Variants in ZNF638 observed in about 807,000 individuals in gnomAD.
ZNF638 encodes zinc finger protein 638.
A neutral mutation model predicts 195.6 loss-of-function variants in ZNF638; 46 were observed. The observed-to-expected ratio is 0.24, with a 90% confidence interval of 0.19 to 0.30. The LOEUF (loss-of-function observed/expected upper bound fraction) is 0.30, where lower values mean the gene tolerates loss of function less well. ZNF638 is among the 10% of genes least tolerant of loss of function. ZNF638 has a pLI of 1.00. For synonymous variants in ZNF638, 845 were observed against 772.0 expected, an observed-to-expected ratio of 1.09 and a Z score of -1.57; for missense variants, 2,440 against 2,325.3, an observed-to-expected ratio of 1.05 and a Z score of -1.01.
intron 20 of ZNF638, 130 bp downstream of exon 20, chr2:71,408,377 TC>T: frequency 1.7e-6 from 2 of 1,161,710 alleles, no homozygotes; most frequent in Non-Finnish European, 2.4e-6. Context: ...CAATCAGTGT[TC>T]CAATTTTCAT....
At position 71,423,420 on chromosome 2, in the gene ZNF638, A is replaced by G. The variant is rs1324532758; in HGVS notation, c.3906A>G (p.Glu1302=). Residue 1302 remains glutamate (E), a synonymous_variant, in exon 22 of 28, where the codon GAA becomes GAG. Transcript: ENST00000264447. ...EKTVDKKNIS[E]KKGNMDEKEE... Reference sequence around the variant, plus strand: ...CAGTGGACAAAAAGAATATTTCTGAAAAAAAAGGTAACATGGATGAAAAGG... The same window carrying G: ...CAGTGGACAAAAAGAATATTTCTGAGAAAAAAGGTAACATGGATGAAAAGG... 1.2e-6 allele frequency: 2 copies of G among 1,613,682 alleles called. No individual in the cohort carries two copies. The highest frequency in any genetic ancestry group is 1.7e-5 in the Admixed American group (1 of 59,918).
chr2:71,425,307 T>C (rs985014690), intron 23 of ZNF638, among the ~76,000 whole-genome samples: 1 of 152,188 alleles, frequency 6.6e-6, no homozygotes, highest in Non-Finnish European at 1.5e-5. Context: ...TTACTAGTTT[T>C]AAGCAGAAAT....
At chr2:71,388,762 G>A (rs1329378537) in intron 10 of ZNF638, 1 of 1,007,832 alleles carries the variant, frequency 9.9e-7, no homozygotes, top group Admixed American at 1.9e-5. Flanking sequence ...CCAAGTTCAG[G>A]GGAATTCTCA....
rs569600186 is a variant in ZNF638 at position 71,350,071 on chromosome 2, T to G, written c.1117T>G (p.Tyr373Asp). 49 of 1,614,202 alleles carry G rather than the reference T, an allele frequency of 3.0e-5. No individual in the cohort carries two copies. In the South Asian group the frequency reaches 5.3e-4, roughly 17 times the overall value. The stretch of plus-strand genomic sequence containing the variant: ...TGGATCAAGAGGAAGTAAAAAGAAT[T>G]ACCAGTCACAGGCTGACATTCCCAT... ...HVGSRGSKKN[Y>D]QSQADIPIRS... is the part of the protein sequence containing the mutation. Residue 373 changes from tyrosine (Y) to aspartate (D), a missense_variant, in exon 2 of 28, where the codon TAC (tyrosine) becomes GAC (aspartate). By Grantham distance (160) the Tyr-to-Asp change is radical (BLOSUM62 -3). Around this residue, in one of 5 missense-constraint regions of ZNF638, gnomAD observed 305 missense variants for 283.6 expected, o/e 1.08. Coordinates refer to ENST00000264447, the MANE Select transcript of ZNF638 (RefSeq NM_014497.5).
chr2:71,376,079 C>G (rs926679949), intron 8 of ZNF638: 1 of 152,212 alleles, frequency 6.6e-6, no homozygotes, highest in African/African-American at 2.4e-5. Context: ...AAAAAATTCT[C>G]TTGGCCAACT....
intron 9 of ZNF638, 98 bp from the exon 10 acceptor site, chr2:71,380,415 T>A (rs1573083128): frequency 1.7e-6 from 2 of 1,201,282 alleles, no homozygotes; most frequent in African/African-American, 3.1e-5. Context: ...TCCAGTTGAA[T>A]TATTTTAAAC....
chr2:71,393,516 TCAGACGACACAAGCCC>T (rs1384980693), intron 10 of ZNF638: 2 of 717,846 alleles, frequency 2.8e-6, no homozygotes, highest in Admixed American at 4.0e-5. Context: ...CACAGCTTCC[TCAGACGACACAAGCCC>T]CGGACATTAC....
chr2:71,387,946 A>G (rs967819480), intron 10 of ZNF638, among the ~76,000 whole-genome samples: 1 of 152,208 alleles, frequency 6.6e-6, no homozygotes, highest in African/African-American at 2.4e-5. Flanking sequence ...GGAAAATAGT[A>G]TGATTAGGCA....
At chr2:71,419,974 C>CCCCCCCCCCCCCCCCTCTTTTTTT (rs1189202093) in intron 21 of ZNF638, among the ~76,000 whole-genome samples, 1 of 27,022 alleles carries the variant, frequency 3.7e-5, no homozygotes, top group Non-Finnish European at 5.8e-5. Flanking sequence ...CCCCCCCCGC[C>CCCCCCCCCCCCCCCCTCTTTTTTT]TTTTTTTTTT....
intron 16 of ZNF638, among the ~76,000 whole-genome samples, chr2:71,402,372 A>G (rs1464819873): frequency 1.3e-5 from 2 of 152,152 alleles, no homozygotes; most frequent in African/African-American, 4.8e-5. Flanking sequence ...TTTAATAAAT[A>G]TATCTTTTAC....
At chr2:71,433,318 T>G (rs776461309) in intron 27 of ZNF638, 35 bp downstream of exon 27, 14 of 1,441,898 alleles carry the variant, frequency 9.7e-6, no homozygotes, top group Admixed American at 3.4e-5. Context: ...TCTTGAGGTG[T>G]TGTTATTGTC....
rs2152583503 is a variant in ZNF638 at position 71,408,219 on chromosome 2, C to T, written c.3233C>T (p.Ser1078Leu). The T allele has an allele frequency of 2.5e-6, 4 of 1,612,658 alleles. No homozygotes were observed. Among genetic ancestry groups the T allele is most frequent in the South Asian group, 2.2e-5 (2 of 90,814 alleles). The change falls in exon 20 of 28, where the codon TCA (serine) becomes TTA (leucine). Residue 1078 changes from serine (S) to leucine (L), a missense_variant. Transcript: ENST00000264447. ...QNIGDHMLTCSLSPKIDLPEV... is the reference protein window; with the variant it reads ...QNIGDHMLTCLLSPKIDLPEV... ...ATTGGTGACCATATGTTGACCTGCTCATTATCTCCAAAGATAGACTTACCA... is the reference window on the plus strand; with the variant it reads ...ATTGGTGACCATATGTTGACCTGCTTATTATCTCCAAAGATAGACTTACCA...
chr2:71,393,889 T>A (rs1442613953), intron 10 of ZNF638, among the ~76,000 whole-genome samples: 2 of 152,090 alleles, frequency 1.3e-5, no homozygotes, highest in African/African-American at 4.8e-5. Context: ...TACATATCAC[T>A]CCATTATCTT....
chr2:71,401,902 G>T (rs2080014514), intron 15 of ZNF638, 54 bp from the exon 16 acceptor site: 8 of 1,471,646 alleles, frequency 5.4e-6, no homozygotes, highest in African/African-American at 1.4e-5. Context: ...ATAAACTTAA[G>T]TAAATATGAA....
Position 71,426,997 on chromosome 2 carries a change from A to G in ZNF638, c.5128A>G (p.Asn1710Asp). 6.2e-7 allele frequency: 1 copy of G among 1,612,440 alleles called. No individual in the cohort carries two copies. The highest frequency in any genetic ancestry group is 1.3e-5 in the African/African-American group (1 of 74,932). The change falls in exon 24 of 28, where the codon AAT becomes GAT. Residue 1710 changes from asparagine to aspartate, a missense_variant. Physicochemically the swap from Asn to Asp is conservative, Grantham distance 23 (BLOSUM62 1). Transcript: ENST00000264447. ...TTTTGCCACTTTAAATACTAAAGGA[A>G]ATGAAGGAGATACTGTAAGGGATTC... Reference protein sequence around the residue: ...ITFATLNTKGNEGDTVRDSIG... With the variant: ...ITFATLNTKGDEGDTVRDSIG...
intron 1 of ZNF638, among the ~76,000 whole-genome samples, chr2:71,337,392 C>T (rs76498698): frequency 0.021 from 3,122 of 152,178 alleles, 44 homozygotes; most frequent in African/African-American, 0.041. Flanking sequence ...TTACCAACTT[C>T]AATGAATTTC....
intron 3 of ZNF638, among the ~76,000 whole-genome samples, chr2:71,357,023 C>A (rs1442479046): frequency 6.6e-6 from 1 of 152,146 alleles, no homozygotes; most frequent in East Asian, 1.9e-4. Flanking sequence ...TGTAAGTGAT[C>A]TGTATAGCTG....
chr2:71,408,319 T>C, intron 20 of ZNF638, 72 bp downstream of exon 20: 2 of 1,505,150 alleles, frequency 1.3e-6, no homozygotes, highest in Non-Finnish European at 1.8e-6. Flanking sequence ...TCTCAGGTAG[T>C]AGTCAAACTG....
At chr2:71,347,803 T>C (rs1216099916) in intron 1 of ZNF638, among the ~76,000 whole-genome samples, 2 of 152,232 alleles carry the variant, frequency 1.3e-5, no homozygotes, top group African/African-American at 2.4e-5. Context: ...AACTGTAAGT[T>C]ACTTTTACTC....
Sources: allele counts gnomAD v4.1 joint callset (sites outside exome capture counted in the v4.1 genomes callset), GRCh38; gene constraint gnomAD v4.1.1; regional missense constraint gnomAD v4.1.1; transcripts MANE v1.5; gene names NCBI Gene and HGNC (gene_info 2026-07-23, HGNC 2026-07-21).